Variants in L3MBTL2 observed in about 807,000 individuals in gnomAD.
The protein encoded by L3MBTL2 is lethal(3)malignant brain tumor-like protein 2.
In L3MBTL2, 49 loss-of-function variants were observed where a neutral mutation model predicts 86.4. The ratio of observed to expected loss-of-function variants is 0.57; its 90% CI spans 0.45 to 0.72. L3MBTL2 has a LOEUF of 0.72. L3MBTL2 is among the 30% of genes least tolerant of loss of function. L3MBTL2 has a pLI of 0.00. For missense variants in L3MBTL2, 755 were observed against 923.7 expected, an observed-to-expected ratio of 0.82 and a Z score of 2.37; for synonymous variants, 336 against 350.6, an observed-to-expected ratio of 0.96 and a Z score of 0.47.
At position 41,230,390 on chromosome 22, in the gene L3MBTL2, CGGT is replaced by C. The variant is rs765776235; in HGVS notation, c.*142_*144del. The C allele has an allele frequency of 7.0e-5, 47 of 670,182 alleles. No individual in the cohort carries two copies. Among genetic ancestry groups the C allele is most frequent in the Non-Finnish European group, 8.3e-5 (32 of 383,692 alleles). The allele number at this position is 670,182 out of a possible 1,614,324, so 41.5% of individuals were successfully genotyped here. On this transcript the variant is annotated 3_prime_UTR_variant, in exon 17 of 17. Coordinates refer to ENST00000216237, the MANE Select transcript of L3MBTL2 (RefSeq NM_031488.5). ...TCTGCCCGGTGCTGTGAAGGCTGGA[CGGT>C]GGAGGACCTGCTGGGGTCTCCTGGG...
Position 41,224,222 on chromosome 22 carries a change from G to T in L3MBTL2, c.1145G>T (p.Arg382Leu). 6.2e-7 allele frequency: 1 copy of T among 1,613,144 alleles called. No homozygotes were observed. Among genetic ancestry groups the T allele is most frequent in the Non-Finnish European group, 8.5e-7 (1 of 1,179,310 alleles). The change falls in exon 9 of 17, where the codon CGA (arginine) becomes CTA (leucine). Residue 382 changes from arginine to leucine, a missense_variant. Arg to Leu is a moderately radical substitution (Grantham distance 102). This residue lies in a region of L3MBTL2 where 634 missense variants were observed against 748.9 expected (regional missense o/e 0.85). Coordinates refer to ENST00000216237, the MANE Select transcript of L3MBTL2 (RefSeq NM_031488.5). The surrounding 1 kb of genome is among the most constrained non-coding windows in gnomAD (Gnocchi z 4.9). ...CTGATCCACCCAGTGGGTTGGTCACGACGTGTGGGCCACGGCATCAAGATG... is the reference window on the plus strand; with the variant it reads ...CTGATCCACCCAGTGGGTTGGTCACTACGTGTGGGCCACGGCATCAAGATG... ...SPLIHPVGWS[R>L]RVGHGIKMSE...
chr22:41,221,838 C>G (rs554610247), intron 8 of L3MBTL2, among the ~76,000 whole-genome samples: 2 of 151,774 alleles, frequency 1.3e-5, no homozygotes, highest in Admixed American at 6.6e-5. Context: ...CTCCTGACCT[C>G]GTGATCCATC....
rs5758261 is a variant in L3MBTL2, at chr22:41,207,020, A to G, written c.24+1634A>G. On this transcript the variant is annotated intron_variant, in intron 1 of 16. Transcript: ENST00000216237. ...AATCTTCGTAAGAATTCTCTAAAGA[A>G]AGCTTATTACCTCTCTTGTAATGAT... Among the ~76,000 whole-genome samples the G allele has an allele frequency of 0.012, 1,833 of 152,230 alleles. 308 individuals carry two copies. The East Asian group carries it at 0.31, about 26-fold the overall frequency.
At chr22:41,223,677 CT>C (rs2031987823) in intron 8 of L3MBTL2, among the ~76,000 whole-genome samples, 1 of 152,262 alleles carries the variant, frequency 6.6e-6, no homozygotes. Flanking sequence ...CTGTGTAATT[CT>C]GGGCAGGCGT....
chr22:41,221,269 C>T lies in L3MBTL2; in HGVS notation c.924C>T (p.Pro308=), dbSNP rs575160507. The T allele has an allele frequency of 2.3e-5, 35 of 1,551,570 alleles. No individual in the cohort carries two copies. The highest frequency in any genetic ancestry group is 9.6e-5 in the African/African-American group (7 of 73,164). ...MKRLVGSRTL[P]VDFHIKMVES... is the part of the protein sequence containing the mutation. ...GGCTGGTGGGCTCCAGGACGCTTCC[C>T]GTGGATTTCCACATCAAGGTCGGCA... The change falls in exon 8 of 17, where the codon CCC becomes CCT. Residue 308 remains proline, a synonymous_variant. Transcript: ENST00000216237.
Position 41,227,686 on chromosome 22 carries a change from C to T in L3MBTL2, c.1823-118C>T, listed in dbSNP as rs991257590. 1 of 1,587,754 alleles carries T rather than the reference C, an allele frequency of 6.3e-7. No individual in the cohort carries two copies. On this transcript the variant is annotated intron_variant, in intron 14 of 16. Transcript: ENST00000216237. This position sits in a 1 kb window ranked among gnomAD's most constrained non-coding sequence, Gnocchi z 6.0. The stretch of plus-strand genomic sequence containing the variant: ...CCCTCTCCTCATTGCCCAGGTTTGG[C>T]TTCCTGTCTTGGGGTGTCTCGTGTG...
intron 7 of L3MBTL2, 126 bp downstream of exon 7, chr22:41,220,994 G>C: frequency 8.4e-7 from 1 of 1,185,342 alleles, no homozygotes; most frequent in South Asian, 1.5e-5. Flanking sequence ...TTGCCCCCTG[G>C]CTTCCTGCCC....
chr22:41,230,571 A>C lies in L3MBTL2; in HGVS notation c.*320A>C, dbSNP rs1197820762. On this transcript the variant is annotated 3_prime_UTR_variant, in exon 17 of 17. Transcript: ENST00000216237. ...TCTTCCTTAAGATGGCCTCCCCCCGACCCGCCACGGCCCTCAGTTGCCAGG... is the reference window on the plus strand; with the variant it reads ...TCTTCCTTAAGATGGCCTCCCCCCGCCCCGCCACGGCCCTCAGTTGCCAGG... 8.7e-6 allele frequency: 3 copies of C among 342,860 alleles called. No individual in the cohort carries two copies. Among genetic ancestry groups the C allele is most frequent in the East Asian group, 6.8e-5 (1 of 14,610 alleles). 21.2% of individuals were successfully genotyped at this position (342,860 alleles called of 1,614,324 possible). A position where few individuals can be genotyped will look rare whatever the true frequency, so the allele number is the denominator to read the frequency against.
Position 41,224,868 on chromosome 22 carries a change from C to T in L3MBTL2, c.1251+67C>T. The T allele has an allele frequency of 6.4e-7, 1 of 1,559,216 alleles. No homozygotes were observed. Among genetic ancestry groups the T allele is most frequent in the Non-Finnish European group, 8.8e-7 (1 of 1,130,764 alleles). On this transcript the variant is annotated intron_variant, in intron 10 of 16. Transcript: ENST00000216237. The surrounding 1 kb of genome is among the most constrained non-coding windows in gnomAD (Gnocchi z 4.9). ...TCCATTCCGGGCCTGAGGGACCTGG[C>T]TCTTCCCCTGGGACCATCCCTTTCC...
intron 8 of L3MBTL2, among the ~76,000 whole-genome samples, chr22:41,221,548 A>T (rs1295290785): frequency 1.3e-5 from 2 of 152,118 alleles, no homozygotes; most frequent in Non-Finnish European, 2.9e-5. Flanking sequence ...GCTCTTCCGG[A>T]ACCTTACCTT....
intron 2 of L3MBTL2, 112 bp downstream of exon 2, chr22:41,210,045 C>T (rs2030597060): frequency 5.6e-6 from 8 of 1,423,994 alleles, no homozygotes; most frequent in Non-Finnish European, 7.5e-6. Context: ...AGGCTATTAA[C>T]TCTGATTTCT....
intron 16 of L3MBTL2, 119 bp downstream of exon 16, chr22:41,229,775 G>T: frequency 6.5e-7 from 1 of 1,533,744 alleles, no homozygotes; most frequent in South Asian, 1.2e-5. Flanking sequence ...CATTTTCTGG[G>T]CACCAAGCAG....
At position 41,220,798 on chromosome 22, in the gene L3MBTL2, C is replaced by G; in HGVS notation, c.783C>G (p.Asn261Lys). The change falls in exon 7 of 17, where the codon AAC (asparagine) becomes AAG (lysine). Residue 261 changes from asparagine (N) to lysine (K), a missense_variant. Physicochemically the swap from Asn to Lys is moderately conservative, Grantham distance 94. Coordinates refer to ENST00000216237, the MANE Select transcript of L3MBTL2 (RefSeq NM_031488.5). ...ENDASHDFWC[N>K]LGTVDVHPIG... ...ACGCCAGCCATGACTTCTGGTGCAA[C>G]CTGGGAACAGTGGATGTCCACCCCA... The G allele has an allele frequency of 6.2e-7, 1 of 1,614,042 alleles. No homozygotes were observed. Among genetic ancestry groups the G allele is most frequent in the Non-Finnish European group, 8.5e-7 (1 of 1,179,986 alleles).
chr22:41,211,856 C>CTTTTTTTTTTTTTTTTTTT (rs35869187), intron 2 of L3MBTL2, among the ~76,000 whole-genome samples: 1 of 67,902 alleles, frequency 1.5e-5, no homozygotes, highest in Non-Finnish European at 2.6e-5. Context: ...CGCACCCGGC[C>CTTTTTTTTTTTTTTTTTTT]TTTTTTTTTT....
chr22:41,207,626 G>C (rs1400731509), intron 1 of L3MBTL2, among the ~76,000 whole-genome samples: 1 of 152,108 alleles, frequency 6.6e-6, no homozygotes, highest in Non-Finnish European at 1.5e-5. Context: ...GTAAGCACTA[G>C]AGATATTTGA....
chr22:41,222,922 TCAAAAAAAAAAA>T (rs2031926248), intron 8 of L3MBTL2, among the ~76,000 whole-genome samples: 1 of 134,932 alleles, frequency 7.4e-6, no homozygotes, highest in Non-Finnish European at 1.6e-5. Flanking sequence ...AGACTCCATT[TCAAAAAAAAAAA>T]CAAAAACTAA....
At chr22:41,207,033 CT>C (rs1482176918) in intron 1 of L3MBTL2, among the ~76,000 whole-genome samples, 3 of 152,106 alleles carry the variant, frequency 2.0e-5, no homozygotes, top group Non-Finnish European at 2.9e-5. Context: ...CTTATTACCT[CT>C]CTTGTAATGA....
chr22:41,215,323 C>A (rs2031256964), intron 3 of L3MBTL2, among the ~76,000 whole-genome samples: 1 of 152,102 alleles, frequency 6.6e-6, no homozygotes, highest in Non-Finnish European at 1.5e-5. Context: ...TTGCTAAGGG[C>A]TTGACATTCT....
In L3MBTL2 at chr22:41,221,291, G is replaced by A. The variant is rs766950885; in HGVS notation, c.942+4G>A. ...TCCCGTGGATTTCCACATCAAGGTC[G>A]GCAGTGAGCCCTTAACTGATGTGCC... On this transcript the variant is annotated splice_donor_region_variant and intron_variant, in intron 8 of 16. Transcript: ENST00000216237. 32 of 1,551,042 alleles carry A rather than the reference G, an allele frequency of 2.1e-5. No homozygotes were observed. Among genetic ancestry groups the A allele is most frequent in the South Asian group, 1.7e-4 (14 of 84,050 alleles).
Sources: allele counts gnomAD v4.1 joint callset (sites outside exome capture counted in the v4.1 genomes callset), GRCh38; gene constraint gnomAD v4.1.1; regional missense constraint gnomAD v4.1.1; non-coding constraint Gnocchi (gnomAD v3.1); transcripts MANE v1.5; gene names NCBI Gene and HGNC (gene_info 2026-07-23, HGNC 2026-07-21).